The following ABAT variants were observed in gnomAD, a reference collection of about 807,000 sequenced individuals.
The protein encoded by ABAT is 4-aminobutyrate aminotransferase.
A neutral mutation model predicts 64.6 loss-of-function variants in ABAT; 45 were observed. The ratio of observed to expected loss-of-function variants is 0.70; its 90% confidence interval spans 0.55 to 0.89. The LOEUF is 0.89. ABAT is among the 40% of genes least tolerant of loss of function. ABAT has a pLI of 0.00. For missense variants in ABAT, 633 were observed against 658.4 expected, an observed-to-expected ratio of 0.96 and a Z score of 0.42; for synonymous variants, 297 against 250.5, an observed-to-expected ratio of 1.19 and a Z score of -1.75.
Position 8,764,365 on chromosome 16 carries a change from C to T in ABAT, c.447+216C>T, listed in dbSNP as rs1190303187. Among the ~76,000 whole-genome samples, 2 of 152,114 alleles carry T rather than the reference C, an allele frequency of 1.3e-5. No individual in the cohort carries two copies. Among genetic ancestry groups the T allele is most frequent in the South Asian group, 2.1e-4 (1 of 4,832 alleles). On this transcript the variant is annotated intron_variant, in intron 7 of 15. Transcript: ENST00000268251. This position sits in a 1 kb window ranked among gnomAD's most constrained non-coding sequence, Gnocchi z 4.2. ...AGGAGCTGGGGAAATGAATATGTGTCGCATGATAGGAGCCTTGCATATGTC... is the reference window on the plus strand; with the variant it reads ...AGGAGCTGGGGAAATGAATATGTGTTGCATGATAGGAGCCTTGCATATGTC...
intron 1 of ABAT, among the ~76,000 whole-genome samples, chr16:8,692,564 C>T (rs944570160): frequency 6.6e-6 from 1 of 152,120 alleles, no homozygotes; most frequent in South Asian, 2.1e-4. Flanking sequence ...GAAAATCCCC[C>T]CAAAAGGGCC....
At chr16:8,689,777 T>C (rs949552515) in intron 1 of ABAT, among the ~76,000 whole-genome samples, 2 of 152,122 alleles carry the variant, frequency 1.3e-5, no homozygotes, top group Admixed American at 1.3e-4. Context: ...GCATTTTGGG[T>C]GGTGGGAACA....
chr16:8,681,612 A>C (rs956947955), intron 1 of ABAT, among the ~76,000 whole-genome samples: 1 of 150,386 alleles, frequency 6.6e-6, no homozygotes, highest in East Asian at 2.0e-4. Context: ...TTTCTGCATT[A>C]GAGTGGCCCC....
At chr16:8,739,417 A>C (rs1393266695) in intron 2 of ABAT, among the ~76,000 whole-genome samples, 2 of 152,218 alleles carry the variant, frequency 1.3e-5, no homozygotes, top group Admixed American at 1.3e-4. Flanking sequence ...TTCTTGCATT[A>C]GAAGAAATGG....
chr16:8,735,134 A>C (rs1382941163), intron 1 of ABAT, among the ~76,000 whole-genome samples: 2 of 149,152 alleles, frequency 1.3e-5, no homozygotes, highest in East Asian at 3.9e-4. Context: ...AGATCGAGCC[A>C]CTGCACTCCA....
intron 1 of ABAT, among the ~76,000 whole-genome samples, chr16:8,700,458 C>T (rs969368887): frequency 1.3e-5 from 2 of 152,156 alleles, no homozygotes; most frequent in Non-Finnish European, 2.9e-5. Context: ...AAAGTTCCCT[C>T]ATACCCCAGT....
chr16:8,768,370 A>C, intron 10 of ABAT, 114 bp downstream of exon 10: 1 of 996,194 alleles, frequency 1.0e-6, no homozygotes, highest in Non-Finnish European at 1.5e-6. Flanking sequence ...GATTGCACAC[A>C]ATCCCACTGC....
intron 9 of ABAT, among the ~76,000 whole-genome samples, chr16:8,767,514 A>G (rs2059979224): frequency 6.6e-6 from 1 of 152,160 alleles, no homozygotes; most frequent in Non-Finnish European, 1.5e-5. Context: ...AGCCTGTAGA[A>G]AAGGGGCTGA....
chr16:8,721,714 AAG>A (rs2058376995), intron 1 of ABAT, among the ~76,000 whole-genome samples: 1 of 152,198 alleles, frequency 6.6e-6, no homozygotes, highest in Non-Finnish European at 1.5e-5. Context: ...AGCAAATTGG[AAG>A]AGTTTGTTTC....
At chr16:8,701,557 T>C (rs1363088821) in intron 1 of ABAT, among the ~76,000 whole-genome samples, 1 of 152,264 alleles carries the variant, frequency 6.6e-6, no homozygotes, top group Non-Finnish European at 1.5e-5. Context: ...TGACTTCACT[T>C]TGCTGTGCCT....
chr16:8,760,895 G>A (rs1037557585), intron 6 of ABAT, among the ~76,000 whole-genome samples: 10 of 152,022 alleles, frequency 6.6e-5, no homozygotes, highest in African/African-American at 1.7e-4. Flanking sequence ...GCAACATATC[G>A]AGACCCTGTC....
At chr16:8,689,351 C>G (rs1216195517) in intron 1 of ABAT, among the ~76,000 whole-genome samples, 1 of 152,178 alleles carries the variant, frequency 6.6e-6, no homozygotes, top group Non-Finnish European at 1.5e-5. Flanking sequence ...TGTGTTTAAT[C>G]TTTGCCCCCA....
Position 8,710,727 on chromosome 16 carries a change from A to AGAGGGAGG in ABAT, c.-41-24968_-41-24967insGAGGGAGG, listed in dbSNP as rs1555485684. Reference sequence around the variant, plus strand: ...GAGAGAGAGAGAGAGAGAGAGAGAGAGAGGAAATAGGCTCAGGAGCAAGCA... The same window carrying AGAGGGAGG: ...GAGAGAGAGAGAGAGAGAGAGAGAGAGAGGGAGGGAGGAAATAGGCTCAGGAGCAAGCA... On this transcript the variant is annotated intron_variant, in intron 1 of 15. Coordinates refer to ENST00000268251, the MANE Select transcript of ABAT (RefSeq NM_020686.6). Among the ~76,000 whole-genome samples, 487 of 103,634 alleles carry AGAGGGAGG rather than the reference A, an allele frequency of 4.7e-3. 22 individuals are homozygous for AGAGGGAGG. Among genetic ancestry groups the AGAGGGAGG allele is most frequent in the South Asian group, 0.015 (38 of 2,478 alleles). The allele number at this position is 103,634 out of a possible 152,430, so 68.0% of individuals were successfully genotyped here. A position where few individuals can be genotyped will look rare whatever the true frequency, so the allele number is the denominator to read the frequency against.
chr16:8,730,533 G>T (rs980196763), intron 1 of ABAT, among the ~76,000 whole-genome samples: 33 of 152,114 alleles, frequency 2.2e-4, no homozygotes, highest in African/African-American at 8.0e-4. Context: ...CTTGGATACA[G>T]GCCTCCCCTC....
intron 3 of ABAT, among the ~76,000 whole-genome samples, chr16:8,747,336 A>G (rs940759446): frequency 2.6e-5 from 4 of 152,142 alleles, no homozygotes; most frequent in Non-Finnish European, 4.4e-5. Context: ...GTCAAAACAT[A>G]CTTCTTTTGT....
intron 1 of ABAT, among the ~76,000 whole-genome samples, chr16:8,678,584 A>G (rs1174890161): frequency 6.6e-6 from 1 of 152,226 alleles, no homozygotes; most frequent in African/African-American, 2.4e-5. Context: ...CCTTCTTCAG[A>G]TTAGTTATCA....
chr16:8,714,723 G>A (rs1260170486), intron 1 of ABAT: 1 of 152,484 alleles, frequency 6.6e-6, no homozygotes, highest in Non-Finnish European at 1.5e-5. Context: ...GGGAAACTTG[G>A]CAGCCGGTTG....
chr16:8,699,668 C>A (rs909755470), intron 1 of ABAT, among the ~76,000 whole-genome samples: 1 of 151,250 alleles, frequency 6.6e-6, no homozygotes, highest in Non-Finnish European at 1.5e-5. Context: ...CTTAAACGAT[C>A]CTCCAACCCC....
rs187237595 is a variant in ABAT, at chr16:8,733,786, G to A, written c.-41-1913G>A. Among the ~76,000 whole-genome samples, 1,276 of 148,166 alleles carry A rather than the reference G, an allele frequency of 8.6e-3. 26 individuals carry two copies. The highest frequency in any genetic ancestry group is 0.024 in the Middle Eastern group (7 of 294). The stretch of plus-strand genomic sequence containing the variant: ...GATGGCAGCAGTACAGTCCAGCTTC[G>A]GCTCAGCATGAGAGGGAGACCGTGG... On this transcript the variant is annotated intron_variant, in intron 1 of 15. Coordinates refer to ENST00000268251, the MANE Select transcript of ABAT (RefSeq NM_020686.6).
Sources: allele counts gnomAD v4.1 joint callset (sites outside exome capture counted in the v4.1 genomes callset), GRCh38; gene constraint gnomAD v4.1.1; non-coding constraint Gnocchi (gnomAD v3.1); transcripts MANE v1.5; gene names NCBI Gene and HGNC (gene_info 2026-07-23, HGNC 2026-07-21).